Variants in CAMKMT observed in about 807,000 individuals in gnomAD.
CAMKMT encodes the protein CaM KMT.
CAMKMT carries 53 observed loss-of-function variants against 48.0 expected under a neutral mutation model. That is an observed-to-expected ratio of 1.10 (90% CI 0.89 to 1.39). The LOEUF is 1.39. Among genes scored for constraint, CAMKMT ranks in the 40% most tolerant of loss-of-function variants. The pLI is 0.00. For synonymous variants in CAMKMT, 165 were observed against 152.3 expected (o/e 1.08, Z -0.61); for missense variants, 428 against 402.7 (o/e 1.06, Z -0.54).
At position 44,440,373 on chromosome 2, in the gene CAMKMT, T is replaced by G. The variant is rs555444669; in HGVS notation, c.376+50068T>G. Among the ~76,000 whole-genome samples the G allele has an allele frequency of 5.3e-5, 8 of 152,246 alleles. No homozygotes were observed. In the East Asian group the frequency reaches 1.4e-3, roughly 26 times the overall value. ...TTGGATGAAGAACCCAACATTCAGA[T>G]TGTCCCCAGGGCACCATGCTAGTAA... On this transcript the variant is annotated intron_variant, in intron 3 of 10. Transcript: ENST00000378494.
chr2:44,503,210 C>T (rs998686183), intron 3 of CAMKMT, among the ~76,000 whole-genome samples: 2 of 152,038 alleles, frequency 1.3e-5, no homozygotes, highest in Admixed American at 1.3e-4. Context: ...AACCTCTCCC[C>T]TGCTTGTGTC....
intron 3 of CAMKMT, among the ~76,000 whole-genome samples, chr2:44,685,352 G>A (rs1240071992): frequency 6.6e-6 from 1 of 152,132 alleles, no homozygotes; most frequent in African/African-American, 2.4e-5. Context: ...ATCAAGGGAG[G>A]GAGAAAGCAA....
intron 6 of CAMKMT, among the ~76,000 whole-genome samples, chr2:44,709,693 A>G (rs1397783244): frequency 6.6e-6 from 1 of 152,186 alleles, no homozygotes; most frequent in Non-Finnish European, 1.5e-5. Flanking sequence ...TGATGCATAT[A>G]GATTGAAACA....
intron 3 of CAMKMT, among the ~76,000 whole-genome samples, chr2:44,535,602 G>A (rs1381830615): frequency 1.3e-5 from 2 of 152,110 alleles, no homozygotes; most frequent in African/African-American, 2.4e-5. Flanking sequence ...ATCAACAAAC[G>A]TGATTCATCA....
intron 3 of CAMKMT, among the ~76,000 whole-genome samples, chr2:44,506,060 T>C (rs944801509): frequency 6.6e-6 from 1 of 152,068 alleles, no homozygotes; most frequent in African/African-American, 2.4e-5. Context: ...TTCACCATGT[T>C]GCTCAGGCTG....
At chr2:44,611,196 C>T (rs866045602) in intron 3 of CAMKMT, among the ~76,000 whole-genome samples, 3 of 152,248 alleles carry the variant, frequency 2.0e-5, no homozygotes, top group Non-Finnish European at 2.9e-5. Context: ...CTTTGGGAGG[C>T]TGAGGTGGGT....
chr2:44,464,018 C>T (rs115764362), intron 3 of CAMKMT, among the ~76,000 whole-genome samples: 1,673 of 151,820 alleles, frequency 0.011, 35 homozygotes, highest in African/African-American at 0.039. Context: ...TATTAGTTAC[C>T]TGAAAAAGAA....
intron 3 of CAMKMT, among the ~76,000 whole-genome samples, chr2:44,685,553 C>T (rs1676290670): frequency 6.6e-6 from 1 of 152,134 alleles, no homozygotes; most frequent in Admixed American, 6.5e-5. Context: ...TGAATCTCTG[C>T]AGGATTCTAG....
chr2:44,425,334 A>G (rs1684211167), intron 3 of CAMKMT, among the ~76,000 whole-genome samples: 1 of 152,208 alleles, frequency 6.6e-6, no homozygotes, highest in African/African-American at 2.4e-5. Context: ...AACCATTATT[A>G]TAACAACCAT....
chr2:44,621,470 A>C (rs941689815), intron 3 of CAMKMT, among the ~76,000 whole-genome samples: 6 of 152,138 alleles, frequency 3.9e-5, no homozygotes, highest in African/African-American at 1.4e-4. Context: ...TCTCTGAGGA[A>C]GCGACATTTG....
At chr2:44,445,676 T>C (rs1414309614) in intron 3 of CAMKMT, among the ~76,000 whole-genome samples, 1 of 49,424 alleles carries the variant, frequency 2.0e-5, no homozygotes, top group African/African-American at 6.1e-5. Flanking sequence ...TTTTTTTTTT[T>C]TTTTTTTTTT....
intron 3 of CAMKMT, among the ~76,000 whole-genome samples, chr2:44,398,159 G>T (rs570264546): frequency 6.6e-6 from 1 of 152,284 alleles, no homozygotes; most frequent in African/African-American, 2.4e-5. Flanking sequence ...TTTACAAGGG[G>T]TGAGGAAACT....
rs181171527 is a variant in CAMKMT, at chr2:44,406,675, C to A, written c.376+16370C>A. Among the ~76,000 whole-genome samples the A allele has an allele frequency of 7.9e-5, 12 of 152,324 alleles. No homozygotes were observed. In the East Asian group the frequency reaches 2.3e-3, roughly 29 times the overall value. ...GCAGTGGCACCATCATGGCCTACTG[C>A]ATCCGCAACTTCCTGGACCCAGGTG... On this transcript the variant is annotated intron_variant, in intron 3 of 10. Transcript: ENST00000378494.
At chr2:44,598,988 C>T (rs1217610496) in intron 3 of CAMKMT, among the ~76,000 whole-genome samples, 2 of 151,896 alleles carry the variant, frequency 1.3e-5, no homozygotes, top group Admixed American at 6.6e-5. Flanking sequence ...CTGTGCAGGG[C>T]TCACCTATTT....
intron 3 of CAMKMT, among the ~76,000 whole-genome samples, chr2:44,623,021 A>C (rs1463486899): frequency 6.6e-6 from 1 of 152,156 alleles, no homozygotes; most frequent in Non-Finnish European, 1.5e-5. Context: ...CTTTTTAACA[A>C]AAGCTGTTCT....
At chr2:44,503,548 G>T (rs956464751) in intron 3 of CAMKMT, among the ~76,000 whole-genome samples, 2 of 152,124 alleles carry the variant, frequency 1.3e-5, no homozygotes, top group Admixed American at 6.5e-5. Flanking sequence ...GGTGATAAAA[G>T]GGAAGAGGAC....
At position 44,660,677 on chromosome 2, in the gene CAMKMT, C is replaced by T. The variant is rs549653502; in HGVS notation, c.377-43606C>T. Among the ~76,000 whole-genome samples, 31 of 152,274 alleles carry T rather than the reference C, an allele frequency of 2.0e-4. 1 individual carries two copies. In the East Asian group the frequency reaches 5.6e-3, roughly 28 times the overall value. ...TGATGCCTAGGCTGGAGTACAGTGG[C>T]ACAATCATGGCTCACTGCAGCCTCA... On this transcript the variant is annotated intron_variant, in intron 3 of 10. Transcript: ENST00000378494.
chr2:44,622,018 G>A (rs980980391), intron 3 of CAMKMT, among the ~76,000 whole-genome samples: 1 of 152,142 alleles, frequency 6.6e-6, no homozygotes, highest in Non-Finnish European at 1.5e-5. Context: ...GGAAAGATAA[G>A]AATCAAGTAT....
chr2:44,743,585 C>A, intron 7 of CAMKMT, 37 bp from the exon 8 acceptor site: 1 of 1,457,046 alleles, frequency 6.9e-7, no homozygotes, highest in Non-Finnish European at 9.5e-7. Context: ...TTAAAAAAAA[C>A]CCTATGTATA....
Sources: allele counts gnomAD v4.1 joint callset (sites outside exome capture counted in the v4.1 genomes callset), GRCh38; gene constraint gnomAD v4.1.1; transcripts MANE v1.5; gene names NCBI Gene and HGNC (gene_info 2026-07-23, HGNC 2026-07-21).